The following PTPRT variants were observed in gnomAD, a reference collection of about 807,000 sequenced individuals.
PTPRT encodes protein tyrosine phosphatase receptor type T.
A neutral mutation model predicts 176.8 loss-of-function variants in PTPRT; 56 were observed. The ratio of observed to expected loss-of-function variants is 0.32; its 90% CI spans 0.26 to 0.40. The LOEUF is 0.40. Among genes scored for constraint, PTPRT ranks in the 10% least tolerant of loss-of-function variants. The probability of loss-of-function intolerance (pLI) is 1.00; values close to 1 mark genes in which losing one functional copy is unlikely to be tolerated. For synonymous variants in PTPRT, 783 were observed against 739.0 expected (o/e 1.06, Z -0.96); for missense variants, 1,540 against 1,908.2 (o/e 0.81, Z 3.60).
chr20:42,473,266 C>G (rs908554543), intron 7 of PTPRT, among the ~76,000 whole-genome samples: 3 of 152,180 alleles, frequency 2.0e-5, no homozygotes, highest in Non-Finnish European at 2.9e-5. Context: ...TGCTGTCTCC[C>G]ACTCCATGCC....
At chr20:43,083,339 T>TACATATATATAC (rs1555828940) in intron 1 of PTPRT, among the ~76,000 whole-genome samples, 1 of 109,244 alleles carries the variant, frequency 9.2e-6, no homozygotes, top group South Asian at 3.1e-4. Flanking sequence ...TATATATATA[T>TACATATATATAC]ATATATATAT....
rs1485867470 is a variant in PTPRT at position 42,611,369 on chromosome 20, G to A, written c.1153+66497C>T. ...TCATGGTGGCCATCCTACTGGGTGG[G>A]GAGGTGCTTCTTTTATGTTATCTCA... On this transcript the variant is annotated intron_variant, in intron 7 of 30. Transcript: ENST00000373187. Among the ~76,000 whole-genome samples, 3 of 152,130 alleles carry A rather than the reference G, an allele frequency of 2.0e-5. No homozygotes were observed. In the East Asian group the frequency reaches 5.8e-4, roughly 29 times the overall value.
intron 2 of PTPRT, among the ~76,000 whole-genome samples, chr20:42,825,687 T>C (rs1511482): frequency 0.086 from 13,104 of 151,968 alleles, 584 homozygotes; most frequent in East Asian, 0.11. Flanking sequence ...AATGACAGTG[T>C]AGGAATTAAA....
intron 5 of PTPRT, among the ~76,000 whole-genome samples, 158 bp downstream of exon 5, chr20:42,771,277 C>T (rs2077058399): frequency 1.3e-5 from 2 of 152,206 alleles, no homozygotes; most frequent in Non-Finnish European, 2.9e-5. Context: ...TATAATTACC[C>T]CAGTTTGTAA....
chr20:42,892,034 C>A (rs187046100), intron 1 of PTPRT, among the ~76,000 whole-genome samples: 1 of 152,158 alleles, frequency 6.6e-6, no homozygotes, highest in Non-Finnish European at 1.5e-5. Flanking sequence ...GAGGTGACAG[C>A]CTAGATTTGC....
At chr20:42,489,694 C>T (rs895865082) in intron 7 of PTPRT, among the ~76,000 whole-genome samples, 4 of 152,100 alleles carry the variant, frequency 2.6e-5, no homozygotes, top group East Asian at 3.9e-4. Context: ...TTTTAAGGTC[C>T]AGCCACACTG....
intron 1 of PTPRT, among the ~76,000 whole-genome samples, chr20:43,099,184 A>T (rs2012291337): frequency 6.6e-6 from 1 of 152,108 alleles, no homozygotes; most frequent in Non-Finnish European, 1.5e-5. Context: ...AATACGATTA[A>T]ATCTTCCTCC....
At chr20:42,985,790 G>T (rs192289516) in intron 1 of PTPRT, among the ~76,000 whole-genome samples, 43 of 152,228 alleles carry the variant, frequency 2.8e-4, no homozygotes, top group African/African-American at 9.6e-4. Context: ...AAAGTCTAGC[G>T]GGGGGATGAG....
At chr20:42,985,912 G>A (rs901280976) in intron 1 of PTPRT, among the ~76,000 whole-genome samples, 1 of 152,146 alleles carries the variant, frequency 6.6e-6, no homozygotes, top group Non-Finnish European at 1.5e-5. Flanking sequence ...AGCAAGGCTG[G>A]AGCCAGATGA....
chr20:42,569,602 G>A (rs2073119238), intron 7 of PTPRT, among the ~76,000 whole-genome samples: 1 of 152,070 alleles, frequency 6.6e-6, no homozygotes. Flanking sequence ...ACCCTCACCA[G>A]TCCATGCACT....
intron 1 of PTPRT, among the ~76,000 whole-genome samples, chr20:43,124,230 A>G (rs2013363999): frequency 6.6e-6 from 1 of 152,254 alleles, no homozygotes; most frequent in Admixed American, 6.5e-5. Flanking sequence ...GCTGACTATC[A>G]ATTGACTTTT....
chr20:42,872,702 A>G (rs189885348), intron 2 of PTPRT, among the ~76,000 whole-genome samples: 1 of 152,344 alleles, frequency 6.6e-6, no homozygotes, highest in East Asian at 1.9e-4. Flanking sequence ...CTGACTTCTG[A>G]TATTACAATG....
At chr20:43,094,800 T>C (rs992366144) in intron 1 of PTPRT, among the ~76,000 whole-genome samples, 1 of 152,130 alleles carries the variant, frequency 6.6e-6, no homozygotes, top group Non-Finnish European at 1.5e-5. Flanking sequence ...ATCTCCAGCA[T>C]TTAGAAGAGT....
intron 7 of PTPRT, among the ~76,000 whole-genome samples, chr20:42,547,920 T>C (rs117369361): frequency 0.01 from 1,584 of 152,178 alleles, 10 homozygotes; most frequent in East Asian, 0.039. Context: ...AGCATTTTTC[T>C]ACACCATCAA....
chr20:42,049,335 T>G, the PTPRT span, among the ~76,000 whole-genome samples: 1 of 152,228 alleles, frequency 6.6e-6, no homozygotes, highest in African/African-American at 2.4e-5. Flanking sequence ...ACATGTCTCT[T>G]GGCCTCCCCT....
intron 15 of PTPRT, among the ~76,000 whole-genome samples, chr20:42,217,984 C>T (rs1248918904): frequency 6.6e-6 from 1 of 152,194 alleles, no homozygotes; most frequent in African/African-American, 2.4e-5. Flanking sequence ...ATCCTAAACT[C>T]GTAAAACAGG....
chr20:43,146,100 C>T (rs2014159158), intron 1 of PTPRT, among the ~76,000 whole-genome samples: 1 of 152,170 alleles, frequency 6.6e-6, no homozygotes, highest in Non-Finnish European at 1.5e-5. Context: ...TTAGAAAAGT[C>T]GATTTTAATA....
At chr20:42,535,218 A>G (rs961157741) in intron 7 of PTPRT, among the ~76,000 whole-genome samples, 1 of 152,182 alleles carries the variant, frequency 6.6e-6, no homozygotes, top group Non-Finnish European at 1.5e-5. Context: ...GTGAACCAAC[A>G]CAGGATAGAA....
At chr20:43,033,199 T>C (rs937781352) in intron 1 of PTPRT, among the ~76,000 whole-genome samples, 4 of 152,122 alleles carry the variant, frequency 2.6e-5, no homozygotes, top group Non-Finnish European at 5.9e-5. Flanking sequence ...AAAGAACAAG[T>C]CCAGGGCCAC....
Sources: allele counts gnomAD v4.1 joint callset (sites outside exome capture counted in the v4.1 genomes callset), GRCh38; gene constraint gnomAD v4.1.1; transcripts MANE v1.5; gene names NCBI Gene and HGNC (gene_info 2026-07-23, HGNC 2026-07-21).